The following TENM2 variants were observed in gnomAD, a reference collection of about 807,000 sequenced individuals.
TENM2 encodes teneurin-2.
In TENM2, 52 loss-of-function variants were observed where a neutral mutation model predicts 245.2. The ratio of observed to expected loss-of-function variants is 0.21; its 90% CI spans 0.17 to 0.27. The LOEUF (loss-of-function observed/expected upper bound fraction) is 0.27, where lower values mean the gene tolerates loss of function less well. Among genes scored for constraint, TENM2 ranks in the 10% least tolerant of loss-of-function variants. The pLI, the probability that TENM2 is intolerant of heterozygous loss-of-function variation, is 1.00. For missense variants in TENM2, 3,046 were observed against 3,666.8 expected, an observed-to-expected ratio of 0.83 and a Z score of 4.37; for synonymous variants, 1,363 against 1,438.9, an observed-to-expected ratio of 0.95 and a Z score of 1.19.
intron 2 of TENM2, among the ~76,000 whole-genome samples, chr5:167,445,384 CTTG>C (rs1372391247): frequency 5.5e-4 from 35 of 63,980 alleles, no homozygotes; most frequent in South Asian, 9.4e-4. Context: ...CAGGTGTTGT[CTTG>C]TTGTTGGGCA....
the TENM2 span, among the ~76,000 whole-genome samples, chr5:167,189,576 G>C: frequency 4.8e-5 from 5 of 104,074 alleles, no homozygotes; most frequent in Middle Eastern, 4.4e-3. Context: ...TTCTTTCTTT[G>C]TTTTGTTTTA....
chr5:167,102,756 T>C, the TENM2 span, among the ~76,000 whole-genome samples: 1 of 152,220 alleles, frequency 6.6e-6, no homozygotes, highest in Non-Finnish European at 1.5e-5. Context: ...CCTCCCAGGT[T>C]CATGCGATTT....
intron 2 of TENM2, among the ~76,000 whole-genome samples, chr5:167,398,416 C>CTT (rs1561923490): frequency 1.9e-5 from 2 of 103,858 alleles, no homozygotes; most frequent in Non-Finnish European, 4.6e-5. Flanking sequence ...CTTTCTTTCT[C>CTT]TCTCTCTCTT....
At chr5:167,217,325 C>A in the TENM2 span, among the ~76,000 whole-genome samples, 31,493 of 151,950 alleles carry the variant, frequency 0.21, 3,826 homozygotes, top group African/African-American at 0.34. Context: ...ACTTTTAAAA[C>A]AATTATTATT....
intron 2 of TENM2, among the ~76,000 whole-genome samples, chr5:167,714,396 G>A (rs1402460677): frequency 6.6e-6 from 1 of 152,166 alleles, no homozygotes; most frequent in Non-Finnish European, 1.5e-5. Flanking sequence ...GTTGTTTCGT[G>A]CATTGAGAAT....
intron 10 of TENM2, among the ~76,000 whole-genome samples, chr5:168,122,809 G>A (rs189788734): frequency 1.8e-4 from 27 of 152,056 alleles, no homozygotes; most frequent in East Asian, 5.8e-4. Context: ...AAATGGGATC[G>A]TGAGAAATAT....
At chr5:167,426,922 G>C (rs1360100600) in intron 2 of TENM2, among the ~76,000 whole-genome samples, 1 of 152,090 alleles carries the variant, frequency 6.6e-6, no homozygotes, top group African/African-American at 2.4e-5. Flanking sequence ...TAAATAGCTT[G>C]TCCTTTCAAG....
chr5:167,317,053 T>C (rs1382421851), intron 1 of TENM2, among the ~76,000 whole-genome samples: 1 of 152,118 alleles, frequency 6.6e-6, no homozygotes, highest in Non-Finnish European at 1.5e-5. Flanking sequence ...TCTTATCACA[T>C]TGATAACTTG....
the TENM2 span, among the ~76,000 whole-genome samples, chr5:167,017,196 G>A: frequency 2.1e-4 from 32 of 152,276 alleles, no homozygotes; most frequent in African/African-American, 7.2e-4. Flanking sequence ...TTTGCTTAAG[G>A]CCTTATAACT....
At chr5:167,968,266 G>C (rs1418769561) in intron 4 of TENM2, among the ~76,000 whole-genome samples, 1 of 152,114 alleles carries the variant, frequency 6.6e-6, no homozygotes, top group African/African-American at 2.4e-5. Flanking sequence ...CCTTTGAGAG[G>C]TCATGGCAAA....
At chr5:167,381,085 G>A (rs1027813252) in intron 2 of TENM2, among the ~76,000 whole-genome samples, 14 of 152,086 alleles carry the variant, frequency 9.2e-5, no homozygotes, top group South Asian at 6.2e-4. Context: ...CAAAGTAAAC[G>A]GGTTAGAGAA....
At chr5:167,545,501 A>T (rs1772501174) in intron 2 of TENM2, among the ~76,000 whole-genome samples, 1 of 152,212 alleles carries the variant, frequency 6.6e-6, no homozygotes, top group Non-Finnish European at 1.5e-5. Flanking sequence ...TGTTTTTTAA[A>T]AGATTTAATT....
Position 168,240,392 on chromosome 5 carries a change from T to G in TENM2, c.5521-4028T>G, listed in dbSNP as rs866976535. Reference sequence around the variant, plus strand: ...CCCTCAATCCTAGAGGTGTACAACCTGGAGGTTAAGACAGCAAGCTCTGTA... The same window carrying G: ...CCCTCAATCCTAGAGGTGTACAACCGGGAGGTTAAGACAGCAAGCTCTGTA... On this transcript the variant is annotated intron_variant, in intron 25 of 28. Transcript: ENST00000518659. Among the ~76,000 whole-genome samples, 9 of 152,292 alleles carry G rather than the reference T, an allele frequency of 5.9e-5. No individual in the cohort carries two copies. In the South Asian group the frequency reaches 1.2e-3, roughly 21 times the overall value.
intron 7 of TENM2, among the ~76,000 whole-genome samples, chr5:168,088,031 TG>T (rs1792611526): frequency 6.6e-6 from 1 of 152,206 alleles, no homozygotes; most frequent in Non-Finnish European, 1.5e-5. Flanking sequence ...AGTAATTTAC[TG>T]GGCTGGACGG....
intron 2 of TENM2, among the ~76,000 whole-genome samples, chr5:167,849,977 A>T (rs1431191613): frequency 6.6e-6 from 1 of 152,146 alleles, no homozygotes. Context: ...CAAAGGCAGG[A>T]TTGATTGCAT....
intron 3 of TENM2, among the ~76,000 whole-genome samples, chr5:167,885,409 C>G (rs2151432455): frequency 6.6e-6 from 1 of 152,226 alleles, no homozygotes; most frequent in Non-Finnish European, 1.5e-5. Context: ...AAAAGCAGCT[C>G]TTGATTCTGG....
At chr5:167,069,527 A>T in the TENM2 span, among the ~76,000 whole-genome samples, 3 of 152,222 alleles carry the variant, frequency 2.0e-5, no homozygotes, top group Admixed American at 2.0e-4. Flanking sequence ...TTGAATCAAA[A>T]GGGGACCCAG....
chr5:167,090,310 C>T, the TENM2 span, among the ~76,000 whole-genome samples: 8 of 149,478 alleles, frequency 5.4e-5, no homozygotes, highest in African/African-American at 2.0e-4. Context: ...AATTCAGTCT[C>T]CCTAGCAACA....
In TENM2 at chr5:167,656,743, TC is replaced by T. The variant is rs1236206820; in HGVS notation, c.503-219240del. Among the ~76,000 whole-genome samples the T allele has an allele frequency of 5.3e-5, 8 of 152,102 alleles. 1 individual carries two copies. The highest frequency in any genetic ancestry group is 5.9e-5 in the Non-Finnish European group (4 of 68,004). ...TGTTACAGGTTCCAAATTAAAGAAA[TC>T]CCAGTTAACTTGGTTACATTATATA... On this transcript the variant is annotated intron_variant, in intron 2 of 28. Coordinates refer to ENST00000518659, the Ensembl canonical transcript of TENM2.
Sources: gnomAD v4.1 joint callset for allele counts (sites outside exome capture counted in the v4.1 genomes callset) on GRCh38, gnomAD v4.1.1 for gene constraint, MANE v1.5 for transcripts, NCBI Gene and HGNC (gene_info 2026-07-23, HGNC 2026-07-21) for gene names.